LRP1B: variants seen among roughly 807,000 people sequenced by gnomAD.
LRP1B encodes the protein LDL receptor related protein 1B.
A neutral mutation model predicts 556.6 loss-of-function variants in LRP1B; 217 were observed. The observed-to-expected ratio is 0.39, with a 90% CI of 0.35 to 0.44. The LOEUF is 0.44. LRP1B is among the 20% of genes least tolerant of loss of function. LRP1B has a pLI of 1.00. For synonymous variants in LRP1B, 2,047 were observed against 1,865.8 expected (o/e 1.10, Z -2.50); for missense variants, 5,053 against 5,620.8 (o/e 0.90, Z 3.23).
At chr2:140,798,649 C>T (rs1402894108) in intron 32 of LRP1B, among the ~76,000 whole-genome samples, 1 of 152,152 alleles carries the variant, frequency 6.6e-6, no homozygotes, top group Admixed American at 6.5e-5. Flanking sequence ...GGGGGCTGTC[C>T]TGTCCCTGTG....
intron 2 of LRP1B, among the ~76,000 whole-genome samples, chr2:141,770,956 G>T (rs1210937919): frequency 6.6e-6 from 1 of 152,196 alleles, no homozygotes; most frequent in South Asian, 2.1e-4. Flanking sequence ...GGTCACTGTT[G>T]CTTAATTATA....
At chr2:141,422,166 G>T (rs1431389830) in intron 3 of LRP1B, among the ~76,000 whole-genome samples, 1 of 152,126 alleles carries the variant, frequency 6.6e-6, no homozygotes, top group South Asian at 2.1e-4. Flanking sequence ...GTCAGATACA[G>T]TTATAACAAA....
At chr2:141,716,005 T>A (rs1341024122) in intron 2 of LRP1B, among the ~76,000 whole-genome samples, 2 of 152,170 alleles carry the variant, frequency 1.3e-5, no homozygotes, top group Admixed American at 1.3e-4. Flanking sequence ...GGACTGGAAT[T>A]CAGATAGAAC....
chr2:140,794,409 G>GA (rs1192270314), intron 32 of LRP1B, among the ~76,000 whole-genome samples: 2 of 150,710 alleles, frequency 1.3e-5, no homozygotes, highest in African/African-American at 2.4e-5. Context: ...TAAAATATGA[G>GA]AAAAAAATAA....
At chr2:141,300,105 G>C (rs1686332812) in intron 3 of LRP1B, among the ~76,000 whole-genome samples, 1 of 152,174 alleles carries the variant, frequency 6.6e-6, no homozygotes, top group African/African-American at 2.4e-5. Context: ...GCAGTCTACA[G>C]TCCAGAAGGG....
intron 66 of LRP1B, among the ~76,000 whole-genome samples, chr2:140,411,988 C>T (rs79862082): frequency 0.02 from 3,108 of 152,176 alleles, 38 homozygotes; most frequent in African/African-American, 0.028. Flanking sequence ...TTTTGGTCAT[C>T]CTTAATTATC....
chr2:141,743,327 G>T (rs1333909823), intron 2 of LRP1B, among the ~76,000 whole-genome samples: 1 of 152,016 alleles, frequency 6.6e-6, no homozygotes, highest in Middle Eastern at 3.2e-3. Context: ...TGTTGAATTA[G>T]ATTTGTTAGG....
intron 2 of LRP1B, among the ~76,000 whole-genome samples, chr2:141,558,279 G>A (rs769187091): frequency 1.4e-4 from 22 of 151,772 alleles, no homozygotes; most frequent in Non-Finnish European, 3.1e-4. Context: ...CTATGCTGGA[G>A]TAAAGTTATG....
rs778656659 is a variant in LRP1B, at chr2:141,723,861, A to AATAT, written c.205+86414_205+86417dup. ...AGTGAACACTAAAATCAAAAGGAAA[A>AATAT]ATATATATATATATATTCTTACTCA... is the stretch of plus-strand genomic sequence containing the variant. On this transcript the variant is annotated intron_variant, in intron 2 of 90. Coordinates refer to ENST00000389484, the MANE Select transcript of LRP1B (RefSeq NM_018557.3). Among the ~76,000 whole-genome samples, 19 of 150,316 alleles carry AATAT rather than the reference A, an allele frequency of 1.3e-4. No homozygotes were observed. In the East Asian group the frequency reaches 3.5e-3, roughly 28 times the overall value.
At chr2:140,838,264 T>A (rs1691982320) in intron 31 of LRP1B, among the ~76,000 whole-genome samples, 2 of 152,204 alleles carry the variant, frequency 1.3e-5, no homozygotes, top group Admixed American at 1.3e-4. Context: ...TCCAGATAAG[T>A]ACCAACTGAA....
At chr2:142,048,213 G>C (rs547360529) in intron 1 of LRP1B, among the ~76,000 whole-genome samples, 114 of 152,154 alleles carry the variant, frequency 7.5e-4, no homozygotes, top group Non-Finnish European at 9.0e-4. Context: ...GTTGAGGAAA[G>C]GGATTTGGAA....
intron 2 of LRP1B, among the ~76,000 whole-genome samples, chr2:141,694,908 TTGG>T: frequency 6.6e-6 from 1 of 152,060 alleles, no homozygotes; most frequent in East Asian, 1.9e-4. Flanking sequence ...CTCATCATCT[TTGG>T]TATTCCTTTA....
Position 140,633,315 on chromosome 2 carries a change from A to G in LRP1B, c.6800-31676T>C, listed in dbSNP as rs529812001. Among the ~76,000 whole-genome samples the G allele has an allele frequency of 6.6e-4, 101 of 152,250 alleles. 1 individual carries two copies. The highest frequency in any genetic ancestry group is 2.3e-3 in the African/African-American group (95 of 41,568). Reference sequence around the variant, plus strand: ...AACTTACCAAAATATGTGGGATGCAACAAAATCTGTTGTCTCTTAGAGGAA... The same window carrying G: ...AACTTACCAAAATATGTGGGATGCAGCAAAATCTGTTGTCTCTTAGAGGAA... On this transcript the variant is annotated intron_variant, in intron 41 of 90. Transcript: ENST00000389484.
chr2:141,114,334 C>CCCAGGTCCTTGTCTGGTGG (rs1700827644), intron 7 of LRP1B, among the ~76,000 whole-genome samples: 1 of 152,138 alleles, frequency 6.6e-6, no homozygotes, highest in South Asian at 2.1e-4. Flanking sequence ...TCTCTTGGTA[C>CCCAGGTCCTTGTCTGGTGG]CCAGGTCCTT....
At chr2:142,031,382 T>C in intron 1 of LRP1B, among the ~76,000 whole-genome samples, 1 of 138,928 alleles carries the variant, frequency 7.2e-6, no homozygotes, top group African/African-American at 2.6e-5. Flanking sequence ...CATGTGCACA[T>C]TGTGCAGGTT....
chr2:141,391,074 G>T (rs1190915674), intron 3 of LRP1B, among the ~76,000 whole-genome samples: 1 of 152,130 alleles, frequency 6.6e-6, no homozygotes, highest in Non-Finnish European at 1.5e-5. Context: ...ATGAAGGGCG[G>T]TTGAGGGGAG....
In LRP1B at chr2:140,297,882, G is replaced by A. The variant is rs139037100; in HGVS notation, c.12893C>T (p.Thr4298Ile). The change falls in exon 84 of 91, where the codon ACC becomes ATC. Residue 4298 changes from threonine (T) to isoleucine (I), a missense_variant. By Grantham distance (89) the Thr-to-Ile change is moderately conservative. This residue lies in a region of LRP1B where 551 missense variants were observed against 592.0 expected (regional missense o/e 0.93). Transcript: ENST00000389484. ...VCEDFCQNGGTCIVTAGNQPY... is the reference protein window; with the variant it reads ...VCEDFCQNGGICIVTAGNQPY... ...CTGGTTTCCAGCAGTCACAATGCAGGTTCCTCCATTTTGACAAAAATCCTC... is the reference window on the plus strand; with the variant it reads ...CTGGTTTCCAGCAGTCACAATGCAGATTCCTCCATTTTGACAAAAATCCTC... 1 of 1,614,016 alleles carries A rather than the reference G, an allele frequency of 6.2e-7. No homozygotes were observed. Among genetic ancestry groups the A allele is most frequent in the Non-Finnish European group, 8.5e-7 (1 of 1,179,932 alleles).
chr2:141,173,665 G>C (rs1459097950), intron 7 of LRP1B, among the ~76,000 whole-genome samples: 3 of 152,054 alleles, frequency 2.0e-5, no homozygotes, highest in Non-Finnish European at 4.4e-5. Flanking sequence ...CTTGGTGTGG[G>C]TAGGAATCTT....
intron 41 of LRP1B, among the ~76,000 whole-genome samples, chr2:140,642,760 C>G (rs1205194829): frequency 1.3e-5 from 2 of 152,134 alleles, no homozygotes; most frequent in Admixed American, 6.5e-5. Flanking sequence ...AGGAGAATGG[C>G]GTGAACCCGG....
Sources: gnomAD v4.1 joint callset for allele counts (sites outside exome capture counted in the v4.1 genomes callset) on GRCh38, gnomAD v4.1.1 for gene constraint, gnomAD v4.1.1 regional missense constraint, MANE v1.5 for transcripts, NCBI Gene and HGNC (gene_info 2026-07-23, HGNC 2026-07-21) for gene names.